The following PPFIA2 variants were observed in gnomAD, a reference collection of about 807,000 sequenced individuals.
PPFIA2 encodes PPFI scaffold protein A2.
A neutral mutation model predicts 175.5 loss-of-function variants in PPFIA2; 46 were observed. That is an observed-to-expected ratio of 0.26 (90% CI 0.21 to 0.34). PPFIA2 has a LOEUF of 0.34. Among genes scored for constraint, PPFIA2 ranks in the 10% least tolerant of loss-of-function variants. The pLI is 1.00. For synonymous variants in PPFIA2, 568 were observed against 511.4 expected (o/e 1.11, Z -1.49); for missense variants, 1,179 against 1,506.1 (o/e 0.78, Z 3.60).
intron 7 of PPFIA2, among the ~76,000 whole-genome samples, chr12:81,432,489 A>C (rs1323303017): frequency 1.4e-5 from 2 of 146,918 alleles, no homozygotes; most frequent in Non-Finnish European, 3.0e-5. Context: ...TTTTCAATAC[A>C]GAGTCTTGCT....
At chr12:81,386,366 G>A (rs1348328124) in intron 8 of PPFIA2, among the ~76,000 whole-genome samples, 2 of 151,866 alleles carry the variant, frequency 1.3e-5, no homozygotes, top group East Asian at 1.9e-4. Flanking sequence ...GCTGGCTCTT[G>A]TAATCCCAGT....
chr12:81,401,347 T>C (rs1054803090), intron 8 of PPFIA2, among the ~76,000 whole-genome samples: 1 of 152,176 alleles, frequency 6.6e-6, no homozygotes. Flanking sequence ...TTCTTATAAC[T>C]CTGTAAGTTG....
intron 3 of PPFIA2, among the ~76,000 whole-genome samples, chr12:81,690,285 C>T (rs2075067434): frequency 6.6e-6 from 1 of 151,996 alleles, no homozygotes. Context: ...ATTTCCATAT[C>T]CTTAAGCAAG....
At chr12:81,321,577 T>G (rs2053659084) in intron 22 of PPFIA2, among the ~76,000 whole-genome samples, 1 of 152,156 alleles carries the variant, frequency 6.6e-6, no homozygotes. Context: ...ACCAAATCTT[T>G]CTGTGTCAGG....
At chr12:81,507,041 C>A (rs1217306851) in intron 4 of PPFIA2, among the ~76,000 whole-genome samples, 1 of 152,138 alleles carries the variant, frequency 6.6e-6, no homozygotes, top group Non-Finnish European at 1.5e-5. Context: ...TATGTACTAT[C>A]TTAAGAGAAT....
intron 3 of PPFIA2, among the ~76,000 whole-genome samples, chr12:81,703,768 G>A (rs778744106): frequency 3.6e-4 from 54 of 151,962 alleles, no homozygotes; most frequent in Non-Finnish European, 6.2e-4. Flanking sequence ...TAGATGCACC[G>A]AGCATCTTCC....
At chr12:81,265,047 T>A (rs1160682224) in intron 30 of PPFIA2, among the ~76,000 whole-genome samples, 1 of 149,042 alleles carries the variant, frequency 6.7e-6, no homozygotes, top group African/African-American at 2.5e-5. Context: ...AATCCCAGCA[T>A]TTTGGGAGGC....
intron 4 of PPFIA2, among the ~76,000 whole-genome samples, chr12:81,593,293 A>T (rs976170895): frequency 3.3e-5 from 5 of 152,178 alleles, no homozygotes; most frequent in Non-Finnish European, 7.4e-5. Flanking sequence ...CAATAAAATT[A>T]AAAAATTTCC....
chr12:81,314,650 T>C (rs930073605), intron 22 of PPFIA2, among the ~76,000 whole-genome samples: 1 of 151,930 alleles, frequency 6.6e-6, no homozygotes, highest in African/African-American at 2.4e-5. Context: ...CCAGATCTCC[T>C]ACAATTGAAT....
At chr12:81,530,988 T>C (rs900544882) in intron 4 of PPFIA2, among the ~76,000 whole-genome samples, 1 of 151,932 alleles carries the variant, frequency 6.6e-6, no homozygotes, top group East Asian at 1.9e-4. Flanking sequence ...AGTTATCTGA[T>C]TTCCCTTTTA....
chr12:81,591,681 G>A lies in PPFIA2; in HGVS notation c.303+85110C>T, dbSNP rs184259293. 4.2e-3 allele frequency among the ~76,000 whole-genome samples: 639 copies of A among 152,282 alleles called. 3 individuals are homozygous for A. The highest frequency in any genetic ancestry group is 0.014 in the African/African-American group (602 of 41,562). ...TTGCTTCAGAGGGTGGAAGCCTGAA[G>A]CCTTGGCAGCTTCCACATGCTGTTG... On this transcript the variant is annotated intron_variant, in intron 4 of 32. Coordinates refer to ENST00000549396, the MANE Select transcript of PPFIA2 (RefSeq NM_003625.5).
intron 4 of PPFIA2, among the ~76,000 whole-genome samples, chr12:81,608,177 G>A (rs2060522730): frequency 1.3e-5 from 2 of 152,088 alleles, no homozygotes; most frequent in South Asian, 4.1e-4. Flanking sequence ...TTTTTGATGT[G>A]CTGTTGAATT....
At chr12:81,452,707 CATT>C (rs1417214698) in intron 5 of PPFIA2, among the ~76,000 whole-genome samples, 1 of 152,066 alleles carries the variant, frequency 6.6e-6, no homozygotes, top group Non-Finnish European at 1.5e-5. Flanking sequence ...ATTTGGATGA[CATT>C]ATTAACTCGT....
At chr12:81,695,015 T>C (rs2075730914) in intron 3 of PPFIA2, among the ~76,000 whole-genome samples, 4 of 152,304 alleles carry the variant, frequency 2.6e-5, no homozygotes, top group African/African-American at 4.8e-5. Context: ...TTGGAGTATG[T>C]TTGCCTAATG....
intron 3 of PPFIA2, among the ~76,000 whole-genome samples, chr12:81,717,912 C>A (rs572341208): frequency 6.6e-6 from 1 of 151,672 alleles, no homozygotes; most frequent in East Asian, 2.0e-4. Context: ...AGACTACCGT[C>A]AAATTGATCC....
chr12:81,338,707 C>A (rs2140260610), intron 21 of PPFIA2, among the ~76,000 whole-genome samples: 1 of 151,910 alleles, frequency 6.6e-6, no homozygotes, highest in African/African-American at 2.4e-5. Context: ...TCAATTCTTT[C>A]AACAAAAAAA....
intron 9 of PPFIA2, among the ~76,000 whole-genome samples, chr12:81,379,223 G>A (rs1312113645): frequency 6.6e-6 from 1 of 152,016 alleles, no homozygotes; most frequent in African/African-American, 2.4e-5. Context: ...GAAAGAGGAA[G>A]CTTTTTCTAG....
intron 9 of PPFIA2, among the ~76,000 whole-genome samples, chr12:81,379,120 G>T (rs1400822826): frequency 6.6e-6 from 1 of 152,122 alleles, no homozygotes; most frequent in Non-Finnish European, 1.5e-5. Context: ...TCATGTGGGA[G>T]ATTCAATTTT....
chr12:81,569,704 A>G (rs1567378965), intron 4 of PPFIA2, among the ~76,000 whole-genome samples: 1 of 152,228 alleles, frequency 6.6e-6, no homozygotes, highest in East Asian at 1.9e-4. Context: ...AAAGAACTAT[A>G]TAATAATACC....
Sources: allele counts gnomAD v4.1 joint callset (sites outside exome capture counted in the v4.1 genomes callset), GRCh38; gene constraint gnomAD v4.1.1; transcripts MANE v1.5; gene names NCBI Gene and HGNC (gene_info 2026-07-23, HGNC 2026-07-21).